Variants in UNC119 observed in about 807,000 individuals in gnomAD.
The protein encoded by UNC119 is protein unc-119 homolog A.
Under a neutral mutation model 22.6 loss-of-function variants are expected in UNC119, and 15 were observed. The observed-to-expected ratio is 0.66, with a 90% CI of 0.44 to 1.02. The LOEUF is 1.02. Among genes scored for constraint, UNC119 ranks in the 50% least tolerant of loss-of-function variants. The pLI is 0.00. For synonymous variants in UNC119, 138 were observed against 139.4 expected, an observed-to-expected ratio of 0.99 and a Z score of 0.07; for missense variants, 322 against 336.0, an observed-to-expected ratio of 0.96 and a Z score of 0.33.
In UNC119 at chr17:28,552,590, C is replaced by T; in HGVS notation, c.-33G>A. On this transcript the variant is annotated 5_prime_UTR_variant, in exon 1 of 5. Coordinates refer to ENST00000335765, the MANE Select transcript of UNC119 (RefSeq NM_005148.4). The stretch of plus-strand genomic sequence containing the variant: ...CGGGGCCGAGGCTCGCCTGCTGCTG[C>T]CGCCGCTGCCTGCGCCGGCTGGAGC... 1.4e-6 allele frequency: 2 copies of T among 1,479,234 alleles called. No individual in the cohort carries two copies. The highest frequency in any genetic ancestry group is 1.3e-5 in the South Asian group (1 of 78,522). 91.6% of individuals were successfully genotyped at this position (1,479,234 alleles called of 1,614,324 possible).
Position 28,547,141 on chromosome 17 carries a change from G to C in UNC119, c.*156C>G. 1.1e-6 allele frequency: 1 copy of C among 907,630 alleles called. No homozygotes were observed. The highest frequency in any genetic ancestry group is 1.7e-6 in the Non-Finnish European group (1 of 581,616). The allele number at this position is 907,630 out of a possible 1,614,324, so 56.2% of individuals were successfully genotyped here. A position where few individuals can be genotyped will look rare whatever the true frequency, so the allele number is the denominator to read the frequency against. On this transcript the variant is annotated 3_prime_UTR_variant, in exon 5 of 5. Coordinates refer to ENST00000335765, the MANE Select transcript of UNC119 (RefSeq NM_005148.4). ...CGCATGGGCTTCATGGGCTTGACTG[G>C]GGACACCAGGTACCCTTCCTCCCAA...
chr17:28,547,061 C>T lies in UNC119; in HGVS notation c.*236G>A. 1 of 514,784 alleles carries T rather than the reference C, an allele frequency of 1.9e-6. No individual in the cohort carries two copies. The highest frequency in any genetic ancestry group is 3.1e-5 in the Admixed American group (1 of 32,578). The allele number at this position is 514,784 out of a possible 1,614,324, so 31.9% of individuals were successfully genotyped here. On this transcript the variant is annotated 3_prime_UTR_variant, in exon 5 of 5. Transcript: ENST00000335765. The stretch of plus-strand genomic sequence containing the variant: ...AGTCCTGACTGCTCCTCTCACAGGC[C>T]TTCCTAGACGTGGAGGCAAACAGCC...
intron 1 of UNC119, chr17:28,549,463 A>G (rs1424837319): frequency 6.6e-6 from 1 of 152,264 alleles, no homozygotes; most frequent in South Asian, 2.1e-4. Context: ...TGCTGACTCA[A>G]GCCCAGAGCC....
At position 28,547,929 on chromosome 17, in the gene UNC119, G is replaced by A. The variant is rs781050872; in HGVS notation, c.437+70C>T. ...CAGGCTCAGGACAGGCCACCCCTAC[G>A]AGAGGCTGAGAAGGGCCCACTCACA... On this transcript the variant is annotated intron_variant, in intron 3 of 4. Coordinates refer to ENST00000335765, the MANE Select transcript of UNC119 (RefSeq NM_005148.4). 42 of 1,612,378 alleles carry A rather than the reference G, an allele frequency of 2.6e-5. No individual in the cohort carries two copies. In the South Asian group the frequency reaches 4.2e-4, roughly 16 times the overall value.
chr17:28,549,114 A>T (rs754142530), intron 1 of UNC119: 2 of 188,668 alleles, frequency 1.1e-5, no homozygotes, highest in Non-Finnish European at 2.3e-5. Context: ...TATGGGAACA[A>T]CTTCCTGCAG....
At position 28,547,812 on chromosome 17, in the gene UNC119, A is replaced by T. The variant is rs749800158; in HGVS notation, c.475T>A (p.Phe159Ile). 1.2e-6 allele frequency: 2 copies of T among 1,614,192 alleles called. No homozygotes were observed. The highest frequency in any genetic ancestry group is 8.5e-7 in the Non-Finnish European group (1 of 1,180,030). Reference protein sequence around the residue: ...FTVGDKPVNNFRMIERHYFRN... With the variant: ...FTVGDKPVNNIRMIERHYFRN... The stretch of plus-strand genomic sequence containing the variant: ...AAGTAGTGCCTCTCGATCATGCGGA[A>T]GTTGTTGACAGGCTTGTCTCCCACT... The change falls in exon 4 of 5, where the codon TTC (phenylalanine) becomes ATC (isoleucine). Residue 159 changes from phenylalanine (F) to isoleucine (I), a missense_variant. Phe to Ile is a conservative substitution (Grantham distance 21, BLOSUM62 0). Transcript: ENST00000335765.
intron 1 of UNC119, chr17:28,549,348 G>A (rs2070246691): frequency 6.6e-6 from 1 of 152,390 alleles, no homozygotes; most frequent in South Asian, 2.0e-4. Flanking sequence ...GTGGGGCTGG[G>A]GCAGGTGAAC....
chr17:28,547,662 A>AC lies in UNC119; in HGVS notation c.610+14dup. On this transcript the variant is annotated intron_variant, in intron 4 of 4. Coordinates refer to ENST00000335765, the MANE Select transcript of UNC119 (RefSeq NM_005148.4). Reference sequence around the variant, plus strand: ...GCCCCCACTTCCCCACTCCCAGAAGACCCTGCCCGCGCACTCAGCTCCTCG... The same window carrying AC: ...GCCCCCACTTCCCCACTCCCAGAAGACCCCTGCCCGCGCACTCAGCTCCTCG... 1 of 1,614,042 alleles carries AC rather than the reference A, an allele frequency of 6.2e-7. No homozygotes were observed. Among genetic ancestry groups the AC allele is most frequent in the African/African-American group, 1.3e-5 (1 of 74,988 alleles).
In UNC119 at chr17:28,547,793, T is replaced by A; in HGVS notation, c.494A>T (p.His165Leu). Reference sequence around the variant, plus strand: ...TTTGAGTAGCTGGTTGCGGAAGTAGTGCCTCTCGATCATGCGGAAGTTGTT... The same window carrying A: ...TTTGAGTAGCTGGTTGCGGAAGTAGAGCCTCTCGATCATGCGGAAGTTGTT... ...PVNNFRMIER[H>L]YFRNQLLKSF... Residue 165 changes from histidine to leucine, a missense_variant, in exon 4 of 5, where the codon CAC becomes CTC. Transcript: ENST00000335765. 6.2e-7 allele frequency: 1 copy of A among 1,614,192 alleles called. No homozygotes were observed. Among genetic ancestry groups the A allele is most frequent in the Non-Finnish European group, 8.5e-7 (1 of 1,180,040 alleles).
intron 1 of UNC119, chr17:28,552,018 A>G (rs2070276618): frequency 1.8e-6 from 1 of 561,516 alleles, no homozygotes; most frequent in African/African-American, 1.9e-5. Flanking sequence ...AGCGCTCTGG[A>G]GACTCCACAG....
chr17:28,547,141 G>A lies in UNC119; in HGVS notation c.*156C>T. ...CGCATGGGCTTCATGGGCTTGACTG[G>A]GGACACCAGGTACCCTTCCTCCCAA... is the stretch of plus-strand genomic sequence containing the variant. On this transcript the variant is annotated 3_prime_UTR_variant, in exon 5 of 5. Transcript: ENST00000335765. 1.1e-6 allele frequency: 1 copy of A among 907,630 alleles called. No homozygotes were observed. Among genetic ancestry groups the A allele is most frequent in the South Asian group, 1.4e-5 (1 of 69,928 alleles). 56.2% of individuals were successfully genotyped at this position (907,630 alleles called of 1,614,324 possible).
In UNC119 at chr17:28,548,659, G is replaced by C. The variant is rs145710399; in HGVS notation, c.267C>G (p.Val89=). The change falls in exon 2 of 5, where the codon GTC becomes GTG. Residue 89 remains valine, a synonymous_variant. Transcript: ENST00000335765. The part of the protein sequence containing the change: ...PEENIYKIDF[V]RFKIRDMDSG... The stretch of plus-strand genomic sequence containing the variant: ...AGTCCATGTCCCGAATCTTAAACCT[G>C]ACAAAGTCGATCTTGTAGATATTCT... 1.0e-3 allele frequency: 1,613 copies of C among 1,614,176 alleles called. 7 individuals are homozygous for C. The highest frequency in any genetic ancestry group is 8.1e-3 in the Middle Eastern group (49 of 6,058).
chr17:28,547,539 G>T (rs758512893), intron 4 of UNC119, 130 bp from the exon 5 acceptor site: 1 of 1,589,676 alleles, frequency 6.3e-7, no homozygotes. Context: ...CTCTACGGAT[G>T]ATATGGGAAT....
chr17:28,549,494 G>T (rs1388660420), intron 1 of UNC119: 2 of 152,398 alleles, frequency 1.3e-5, no homozygotes, highest in African/African-American at 4.8e-5. Context: ...CAGGTGGGAG[G>T]AGGCCAACTT....
Position 28,547,139 on chromosome 17 carries a change from T to C in UNC119, c.*158A>G. 1 of 895,906 alleles carries C rather than the reference T, an allele frequency of 1.1e-6. No homozygotes were observed. The highest frequency in any genetic ancestry group is 1.8e-6 in the Non-Finnish European group (1 of 571,422). The allele number at this position is 895,906 out of a possible 1,614,324, so 55.5% of individuals were successfully genotyped here. ...GCCGCATGGGCTTCATGGGCTTGAC[T>C]GGGGACACCAGGTACCCTTCCTCCC... On this transcript the variant is annotated 3_prime_UTR_variant, in exon 5 of 5. Coordinates refer to ENST00000335765, the MANE Select transcript of UNC119 (RefSeq NM_005148.4).
Position 28,548,642 on chromosome 17 carries a change from T to C in UNC119, c.284A>G (p.Asp95Gly), listed in dbSNP as rs2151507983. 2 of 1,614,200 alleles carry C rather than the reference T, an allele frequency of 1.2e-6. No individual in the cohort carries two copies. Among genetic ancestry groups the C allele is most frequent in the East Asian group, 2.2e-5 (1 of 44,878 alleles). ...KIDFVRFKIR[D>G]MDSGTVLFEI... ...AAAGAGGACAGTGCCTGAGTCCATG[T>C]CCCGAATCTTAAACCTGACAAAGTC... The change falls in exon 2 of 5, where the codon GAC (aspartate) becomes GGC (glycine). Residue 95 changes from aspartate to glycine, a missense_variant. Asp to Gly is a moderately conservative substitution (Grantham distance 94). Coordinates refer to ENST00000335765, the MANE Select transcript of UNC119 (RefSeq NM_005148.4).
Position 28,547,808 on chromosome 17 carries a change from C to T in UNC119, c.479G>A (p.Arg160His), listed in dbSNP as rs986396601. 5.0e-6 allele frequency: 8 copies of T among 1,614,042 alleles called. No homozygotes were observed. Among genetic ancestry groups the T allele is most frequent in the Admixed American group, 1.7e-5 (1 of 60,000 alleles). ...GCGGAAGTAGTGCCTCTCGATCATG[C>T]GGAAGTTGTTGACAGGCTTGTCTCC... Reference protein sequence around the residue: ...TVGDKPVNNFRMIERHYFRNQ... With the variant: ...TVGDKPVNNFHMIERHYFRNQ... Residue 160 changes from arginine (R) to histidine (H), a missense_variant, in exon 4 of 5, where the codon CGC becomes CAC. By Grantham distance (29) the Arg-to-His change is conservative. Transcript: ENST00000335765.
intron 2 of UNC119, among the ~76,000 whole-genome samples, 189 bp downstream of exon 2, chr17:28,548,403 C>A (rs1453551646): frequency 6.6e-6 from 1 of 152,148 alleles, no homozygotes; most frequent in East Asian, 1.9e-4. Flanking sequence ...TAGGGCTGAC[C>A]TCGCAAGATG....
chr17:28,552,255 G>T, intron 1 of UNC119, 83 bp downstream of exon 1: 1 of 1,328,378 alleles, frequency 7.5e-7, no homozygotes, highest in Non-Finnish European at 1.0e-6. Flanking sequence ...AGGGGGCGGG[G>T]GCCAGGGCTT....
Sources: allele counts gnomAD v4.1 joint callset (sites outside exome capture counted in the v4.1 genomes callset), GRCh38; gene constraint gnomAD v4.1.1; transcripts MANE v1.5; gene names NCBI Gene and HGNC (gene_info 2026-07-23, HGNC 2026-07-21).